Variants in C5orf58 observed in about 807,000 individuals in gnomAD.
C5orf58 encodes chromosome 5 open reading frame 58, also known as putative uncharacterized protein C5orf58.
A neutral mutation model predicts 2.9 loss-of-function variants in C5orf58; 2 were observed. The ratio of observed to expected loss-of-function variants is 0.69; its 90% CI spans 0.28 to 2.18. The LOEUF is 2.18. Ranked by LOEUF, C5orf58 falls within the 30% of genes most tolerant of loss-of-function variation. The pLI, the probability that C5orf58 is intolerant of heterozygous loss-of-function variation, is 0.13. For synonymous variants in C5orf58, 37 were observed against 33.4 expected (o/e 1.11, Z -0.37); for missense variants, 96 against 91.7 (o/e 1.05, Z -0.19).
intron 2 of C5orf58, chr5:170,251,596 A>C (rs1240916763): frequency 2.4e-5 from 11 of 455,904 alleles, no homozygotes; most frequent in Admixed American, 9.4e-5. Context: ...GGATAGCTTT[A>C]AATAGCCATG....
intron 3 of C5orf58, among the ~76,000 whole-genome samples, chr5:170,237,876 C>A (rs900142587): frequency 6.6e-5 from 10 of 152,226 alleles, no homozygotes; most frequent in African/African-American, 2.2e-4. Context: ...AGTTTACTTA[C>A]AAAATTACAA....
downstream of C5orf58, among the ~76,000 whole-genome samples, chr5:170,249,262 T>C (rs1268171038): frequency 6.6e-6 from 1 of 151,616 alleles, no homozygotes; most frequent in African/African-American, 2.4e-5. Flanking sequence ...GAGGCAGAGG[T>C]TGCAGTGAGC....
At chr5:170,234,947 A>G in intron 2 of C5orf58, 30 bp from the exon 3 acceptor site, 1 of 1,014,864 alleles carries the variant, frequency 9.9e-7, no homozygotes. Flanking sequence ...ACTGATTTAT[A>G]CATTGTTTCT....
downstream of C5orf58, chr5:170,251,191 T>C (rs181823864): frequency 3.9e-6 from 1 of 259,164 alleles, no homozygotes; most frequent in East Asian, 9.2e-5. Flanking sequence ...TAATGGGTGG[T>C]TGAGTGGATA....
chr5:170,244,440 T>C (rs1761160956), intron 3 of C5orf58, among the ~76,000 whole-genome samples: 2 of 148,240 alleles, frequency 1.3e-5, no homozygotes, highest in South Asian at 4.3e-4. Flanking sequence ...TTTGGTCTTT[T>C]CACATAGTCC....
exon 3 of C5orf58, chr5:170,252,058 A>G: frequency 1.0e-5 from 2 of 197,462 alleles, no homozygotes; most frequent in Non-Finnish European, 1.1e-5. Flanking sequence ...GTCCTTTCAC[A>G]TCAACATGGA....
intron 3 of C5orf58, among the ~76,000 whole-genome samples, chr5:170,238,918 AAAAG>A (rs1431025294): frequency 6.6e-6 from 1 of 152,210 alleles, no homozygotes; most frequent in Non-Finnish European, 1.5e-5. Context: ...GAACAGATCA[AAAAG>A]AGAGACACAG....
chr5:170,252,323 G>A (rs1411394831), downstream of C5orf58: 5 of 573,330 alleles, frequency 8.7e-6, no homozygotes, highest in African/African-American at 9.4e-5. Flanking sequence ...ATTACAGAAA[G>A]CAACAGCACC....
downstream of C5orf58, chr5:170,248,631 A>G: frequency 6.3e-7 from 1 of 1,589,262 alleles, no homozygotes; most frequent in Non-Finnish European, 8.6e-7. Context: ...TCCATTGACC[A>G]AGGCTGATTG....
downstream of C5orf58, chr5:170,246,305 A>G: frequency 2.1e-6 from 1 of 469,928 alleles, no homozygotes; most frequent in Non-Finnish European, 3.7e-6. Flanking sequence ...AGTGTATGAC[A>G]TAGGAAATTG....
At chr5:170,248,936 G>T, downstream of C5orf58, 1 of 1,001,268 alleles carries the variant, frequency 1.0e-6, no homozygotes, top group Non-Finnish European at 1.5e-6. Context: ...GGATTGTGGG[G>T]GGAAAAAATG....
downstream of C5orf58, chr5:170,250,915 A>G: frequency 6.3e-7 from 1 of 1,595,660 alleles, no homozygotes; most frequent in Non-Finnish European, 8.6e-7. Flanking sequence ...TTATTATGGG[A>G]GCAGTAAAAG....
At chr5:170,251,309 A>G (rs948497478) in intron 2 of C5orf58, 10 of 193,908 alleles carry the variant, frequency 5.2e-5, no homozygotes, top group African/African-American at 2.1e-4. Flanking sequence ...AAAGTCAGAA[A>G]ACATCCACAT....
chr5:170,252,437 G>A (rs781380192), downstream of C5orf58: 9 of 1,545,044 alleles, frequency 5.8e-6, no homozygotes, highest in Non-Finnish European at 8.0e-6. Context: ...ACAATACCTG[G>A]TTTATCTTTC....
downstream of C5orf58, chr5:170,252,256 G>T: frequency 4.8e-6 from 2 of 414,502 alleles, no homozygotes; most frequent in Non-Finnish European, 8.8e-6. Flanking sequence ...CCGAGCCTAG[G>T]AATCCCTGCT....
chr5:170,246,105 TC>T lies in C5orf58; in HGVS notation c.239del (p.Ser80LeufsTer23). Reference protein sequence around the residue: ...SDVSLVSNSFSI With the variant: ...SDVSLVSNSFXI ...TGTATCCCTTGTTTCTAACAGTTTT[TC>T]TATCTGATTTCTTATTTGTTATGAG... is the stretch of plus-strand genomic sequence containing the variant. On this transcript the variant is annotated frameshift_variant, in exon 4 of 4. Coordinates refer to ENST00000593851, the MANE Select transcript of C5orf58 (RefSeq NM_001102609.3). LOFTEE classifies it high-confidence loss of function. 6.2e-7 allele frequency: 1 copy of T among 1,608,620 alleles called. No individual in the cohort carries two copies. The highest frequency in any genetic ancestry group is 8.5e-7 in the Non-Finnish European group (1 of 1,177,572).
chr5:170,243,881 C>T (rs2113122929), intron 3 of C5orf58, among the ~76,000 whole-genome samples: 1 of 146,906 alleles, frequency 6.8e-6, no homozygotes, highest in South Asian at 2.3e-4. Context: ...TCTCGATGGT[C>T]TTTACATTTT....
intron 3 of C5orf58, among the ~76,000 whole-genome samples, chr5:170,244,268 C>T (rs1358974035): frequency 3.4e-5 from 5 of 148,324 alleles, no homozygotes; most frequent in African/African-American, 5.0e-5. Flanking sequence ...TGGAGTTGCT[C>T]TTCTCGAGGA....
chr5:170,235,267 A>C (rs1760695432), intron 3 of C5orf58, among the ~76,000 whole-genome samples, 197 bp downstream of exon 3: 1 of 152,174 alleles, frequency 6.6e-6, no homozygotes, highest in East Asian at 1.9e-4. Context: ...AGCAGACCTG[A>C]ATTCCCATCC....
Sources: gnomAD v4.1 joint callset for allele counts (sites outside exome capture counted in the v4.1 genomes callset) on GRCh38, gnomAD v4.1.1 for gene constraint, MANE v1.5 for transcripts, NCBI Gene and HGNC (gene_info 2026-07-23, HGNC 2026-07-21) for gene names.